DNAJC3: variants seen among roughly 807,000 people sequenced by gnomAD.
DNAJC3 encodes DnaJ heat shock protein family (Hsp40) member C3, also known as dnaJ homolog subfamily C member 3.
A neutral mutation model predicts 68.6 loss-of-function variants in DNAJC3; 38 were observed. That is an observed-to-expected ratio of 0.55 (90% confidence interval 0.43 to 0.73). DNAJC3 has a LOEUF of 0.73. Among genes scored for constraint, DNAJC3 ranks in the 30% least tolerant of loss-of-function variants. The pLI is 0.00. For missense variants in DNAJC3, 526 were observed against 591.9 expected (o/e 0.89, Z 1.16); for synonymous variants, 203 against 204.0 (o/e 1.00, Z 0.04).
chr13:95,760,847 C>A (rs1457811646), intron 7 of DNAJC3, 49 bp downstream of exon 7: 19 of 1,587,560 alleles, frequency 1.2e-5, no homozygotes, highest in Non-Finnish European at 1.6e-5. Flanking sequence ...ATGTGCGGGG[C>A]TGTGGGCACA....
At chr13:95,744,553 C>A (rs1294640202) in intron 4 of DNAJC3, among the ~76,000 whole-genome samples, 2 of 152,066 alleles carry the variant, frequency 1.3e-5, no homozygotes, top group Non-Finnish European at 1.5e-5. Flanking sequence ...AATAGTTTGT[C>A]CAAACTCATT....
At position 95,791,112 on chromosome 13, in the gene DNAJC3, A is replaced by G; in HGVS notation, c.*82A>G. The G allele has an allele frequency of 6.6e-7, 1 of 1,523,490 alleles. No individual in the cohort carries two copies. Among genetic ancestry groups the G allele is most frequent in the Non-Finnish European group, 8.9e-7 (1 of 1,118,620 alleles). 94.4% of individuals were successfully genotyped at this position (1,523,490 alleles called of 1,614,324 possible). A position where few individuals can be genotyped will look rare whatever the true frequency, so the allele number is the denominator to read the frequency against. On this transcript the variant is annotated 3_prime_UTR_variant, in exon 12 of 12. Transcript: ENST00000602402. The stretch of plus-strand genomic sequence containing the variant: ...TGTTCCGGGACCCTAATGAAAAAAA[A>G]TTTCAAATCTTTTCAGTTTGTCCAT...
At chr13:95,723,470 G>C (rs2139641745) in intron 3 of DNAJC3, 104 bp downstream of exon 3, 2 of 1,296,848 alleles carry the variant, frequency 1.5e-6, no homozygotes, top group Non-Finnish European at 1.1e-6. Context: ...AGCTGGAAGA[G>C]ATCAAAGCTA....
Position 95,763,567 on chromosome 13 carries a change from G to A in DNAJC3, c.849-76G>A, listed in dbSNP as rs539618688. 4.3e-6 allele frequency: 6 copies of A among 1,392,176 alleles called. No homozygotes were observed. In the South Asian group the frequency reaches 7.8e-5, roughly 18 times the overall value. The allele number at this position is 1,392,176 out of a possible 1,614,324, so 86.2% of individuals were successfully genotyped here. On this transcript the variant is annotated intron_variant, in intron 7 of 11. Coordinates refer to ENST00000602402, the MANE Select transcript of DNAJC3 (RefSeq NM_006260.5). ...TTGGATTGATTAAGCAACACATGGT[G>A]AAGAGGGGAGGAGCCTTTCTACAGC...
At chr13:95,764,006 T>C (rs878995694) in intron 9 of DNAJC3, 53 bp downstream of exon 9, 1 of 1,588,370 alleles carries the variant, frequency 6.3e-7, no homozygotes, top group Non-Finnish European at 8.6e-7. Context: ...TAGGAAATTA[T>C]CACATTTTAA....
intron 4 of DNAJC3, among the ~76,000 whole-genome samples, chr13:95,735,159 T>G (rs1273201946): frequency 1.4e-5 from 2 of 148,052 alleles, no homozygotes; most frequent in Admixed American, 1.4e-4. Flanking sequence ...CTCATCATTG[T>G]TTATGGCTGC....
intron 1 of DNAJC3, among the ~76,000 whole-genome samples, chr13:95,689,005 A>G (rs944382923): frequency 4.6e-5 from 7 of 150,638 alleles, no homozygotes; most frequent in African/African-American, 1.7e-4. Flanking sequence ...TTTGTTGCAT[A>G]TGTTTACATC....
chr13:95,778,185 A>G (rs887063744), intron 9 of DNAJC3, among the ~76,000 whole-genome samples: 3 of 152,162 alleles, frequency 2.0e-5, no homozygotes, highest in African/African-American at 7.2e-5. Flanking sequence ...ATTACATGAA[A>G]CCTCAAGGGA....
chr13:95,777,126 A>G (rs770930424), intron 9 of DNAJC3, among the ~76,000 whole-genome samples: 1 of 152,166 alleles, frequency 6.6e-6, no homozygotes, highest in Non-Finnish European at 1.5e-5. Context: ...TGTTCAATAC[A>G]GATTGTACTT....
At position 95,709,255 on chromosome 13, in the gene DNAJC3, T is replaced by A; in HGVS notation, c.111T>A (p.Val37=). The A allele has an allele frequency of 1.3e-6, 2 of 1,583,650 alleles. No individual in the cohort carries two copies. Among genetic ancestry groups the A allele is most frequent in the Non-Finnish European group, 1.7e-6 (2 of 1,165,078 alleles). ...EGAECGVNAD[V]EKHLELGKKL... ...CTGAATGTGGAGTAAATGCAGATGT[T>A]GAGAAACATCTTGAATTGGGCAAGA... The change falls in exon 2 of 12, where the codon GTT becomes GTA. Residue 37 remains valine (V), a synonymous_variant. Coordinates refer to ENST00000602402, the MANE Select transcript of DNAJC3 (RefSeq NM_006260.5).
In DNAJC3 at chr13:95,760,665, AAATAC is replaced by A. The variant is rs1301110495; in HGVS notation, c.729-12_729-8del. 6.3e-7 allele frequency: 1 copy of A among 1,589,088 alleles called. No individual in the cohort carries two copies. The highest frequency in any genetic ancestry group is 1.4e-5 in the African/African-American group (1 of 73,404). ...TTGACATGGAGTATTTTCCTTTTTT[AAATAC>A]ATGAACAGTGAAGTTCGGGAATGTC... is the stretch of plus-strand genomic sequence containing the variant. On this transcript the variant is annotated splice_polypyrimidine_tract_variant and intron_variant, in intron 6 of 11. Transcript: ENST00000602402.
At chr13:95,720,702 T>C (rs561443314) in intron 2 of DNAJC3, among the ~76,000 whole-genome samples, 2 of 152,366 alleles carry the variant, frequency 1.3e-5, no homozygotes, top group African/African-American at 4.8e-5. Flanking sequence ...ATATTCAGGC[T>C]ACTGATTTTG....
intron 3 of DNAJC3, among the ~76,000 whole-genome samples, chr13:95,724,671 A>G (rs1267515586): frequency 2.0e-5 from 3 of 152,090 alleles, no homozygotes; most frequent in South Asian, 4.2e-4. Context: ...GTCACTCCCC[A>G]TTGCTCCCCT....
intron 9 of DNAJC3, among the ~76,000 whole-genome samples, chr13:95,768,638 TACTACCTAGGCCCACCCTATCCCGCAGA>T (rs1566508790): frequency 6.6e-6 from 1 of 152,152 alleles, no homozygotes; most frequent in African/African-American, 2.4e-5. Flanking sequence ...CACCCTGTTA[TACTACCTAGGCCCACCCTATCCCGCAGA>T]AGTATTCTGT....
intron 1 of DNAJC3, 121 bp downstream of exon 1, chr13:95,677,458 G>A (rs760013113): frequency 2.6e-5 from 27 of 1,034,796 alleles, no homozygotes; most frequent in Non-Finnish European, 3.3e-5. Context: ...CGCTGGGGGA[G>A]CCCGCGGCCT....
At position 95,705,333 on chromosome 13, in the gene DNAJC3, C is replaced by T. The variant is rs1880703908; in HGVS notation, c.83-3894C>T. Among the ~76,000 whole-genome samples the T allele has an allele frequency of 2.0e-5, 3 of 152,116 alleles. No homozygotes were observed. In the South Asian group the frequency reaches 6.2e-4, roughly 32 times the overall value. On this transcript the variant is annotated intron_variant, in intron 1 of 11. Transcript: ENST00000602402. ...GCATTGATGTGCCCACCTAGTCTCT[C>T]ATGGTTCAGTGCTGCTGCTTAAGTT...
intron 1 of DNAJC3, among the ~76,000 whole-genome samples, chr13:95,677,684 C>T (rs1424781243): frequency 6.6e-6 from 1 of 152,182 alleles, no homozygotes. Context: ...TTGGGACCCT[C>T]GCTGGGCGCC....
intron 1 of DNAJC3, 81 bp downstream of exon 1, chr13:95,677,418 G>A (rs1293770016): frequency 2.1e-6 from 3 of 1,421,722 alleles, no homozygotes; most frequent in South Asian, 1.3e-5. Flanking sequence ...CCGGGCGCCT[G>A]TCCCGGAGCG....
chr13:95,677,456 G>C, intron 1 of DNAJC3, 119 bp downstream of exon 1: 2 of 1,051,552 alleles, frequency 1.9e-6, no homozygotes, highest in Non-Finnish European at 2.6e-6. Flanking sequence ...AGCGCTGGGG[G>C]AGCCCGCGGC....
Sources: gnomAD v4.1 joint callset for allele counts (sites outside exome capture counted in the v4.1 genomes callset) on GRCh38, gnomAD v4.1.1 for gene constraint, MANE v1.5 for transcripts, NCBI Gene and HGNC (gene_info 2026-07-23, HGNC 2026-07-21) for gene names.